The following NT5C3B variants were observed in gnomAD, a reference collection of about 807,000 sequenced individuals.
NT5C3B encodes the protein 5'-nucleotidase, cytosolic IIIB.
In NT5C3B, 28 loss-of-function variants were observed where a neutral mutation model predicts 32.5. The observed-to-expected ratio is 0.86, with a 90% CI of 0.64 to 1.18. The LOEUF is 1.18. NT5C3B is among the 50% of genes most tolerant of loss of function. The probability of loss-of-function intolerance (pLI) is 0.00; values close to 1 mark genes in which losing one functional copy is unlikely to be tolerated. For synonymous variants in NT5C3B, 138 were observed against 118.0 expected, an observed-to-expected ratio of 1.17 and a Z score of -1.10; for missense variants, 317 against 322.0, an observed-to-expected ratio of 0.98 and a Z score of 0.12.
chr17:41,827,086 C>T (rs2047979303), intron 8 of NT5C3B, among the ~76,000 whole-genome samples: 2 of 151,022 alleles, frequency 1.3e-5, no homozygotes, highest in Admixed American at 6.6e-5. Flanking sequence ...GCAGGCGGAT[C>T]ACGAGGTCAG....
intron 4 of NT5C3B, 36 bp downstream of exon 4, chr17:41,835,034 A>G: frequency 6.2e-7 from 1 of 1,603,384 alleles, no homozygotes; most frequent in South Asian, 1.1e-5. Flanking sequence ...GTAGCAAATG[A>G]CAACCATTTC....
chr17:41,828,837 G>A lies in NT5C3B; in HGVS notation c.520C>T (p.His174Tyr). 2 of 1,613,976 alleles carry A rather than the reference G, an allele frequency of 1.2e-6. No individual in the cohort carries two copies. The highest frequency in any genetic ancestry group is 2.2e-5 in the East Asian group (1 of 44,884). Residue 174 changes from histidine (H) to tyrosine (Y), a missense_variant, in exon 7 of 9, where the codon CAC becomes TAC. Coordinates refer to ENST00000435506, the MANE Select transcript of NT5C3B (RefSeq NM_052935.5). ...TTAGACACGATGTGGATGTTGGGGT[G>A]GAACACTTTCATCTGTCGGATAATT... Reference protein sequence around the residue: ...EEIIRQMKVFHPNIHIVSNYM... With the variant: ...EEIIRQMKVFYPNIHIVSNYM...
intron 5 of NT5C3B, 46 bp from the exon 6 acceptor site, chr17:41,830,936 T>A: frequency 8.3e-7 from 1 of 1,198,042 alleles, no homozygotes; most frequent in Non-Finnish European, 1.2e-6. Flanking sequence ...ATCACTGAAG[T>A]AAATAACTCA....
intron 5 of NT5C3B, 148 bp from the exon 6 acceptor site, chr17:41,831,038 G>T: frequency 1.6e-6 from 1 of 644,370 alleles, no homozygotes. Flanking sequence ...GAAGAGGGTG[G>T]CCGGGCACAG....
intron 6 of NT5C3B, among the ~76,000 whole-genome samples, chr17:41,830,221 C>A (rs1488796646): frequency 6.6e-6 from 1 of 152,212 alleles, no homozygotes; most frequent in Non-Finnish European, 1.5e-5. Context: ...GAAAAATGAG[C>A]TAGACTTGGC....
At chr17:41,830,553 G>A (rs1362892775) in intron 6 of NT5C3B, among the ~76,000 whole-genome samples, 1 of 152,066 alleles carries the variant, frequency 6.6e-6, no homozygotes, top group African/African-American at 2.4e-5. Flanking sequence ...GAGAAAGAAA[G>A]AAGAGCTAGA....
In NT5C3B at chr17:41,830,872, A is replaced by G; in HGVS notation, c.333T>C (p.Asn111=). Residue 111 remains asparagine (N), a synonymous_variant, in exon 6 of 9, where the codon AAT becomes AAC. Transcript: ENST00000435506. ...TCTGAATCTTCTGCTGACATAGGAG[A>G]TTGTGTGCTTTGGTCCACCTAGAAA... ...HMVEWWTKAH[N]LLCQQKIQKF... 6.2e-7 allele frequency: 1 copy of G among 1,608,410 alleles called. No homozygotes were observed. Among genetic ancestry groups the G allele is most frequent in the Non-Finnish European group, 8.5e-7 (1 of 1,177,372 alleles).
At position 41,825,092 on chromosome 17, in the gene NT5C3B, C is replaced by T. The variant is rs2047938610; in HGVS notation, c.*431G>A. 6.3e-6 allele frequency: 1 copy of T among 158,462 alleles called. No individual in the cohort carries two copies. The highest frequency in any genetic ancestry group is 1.4e-5 in the Non-Finnish European group (1 of 71,902). The allele number at this position is 158,462 out of a possible 1,614,324, so 9.8% of individuals were successfully genotyped here. On this transcript the variant is annotated 3_prime_UTR_variant, in exon 9 of 9. Transcript: ENST00000435506. The stretch of plus-strand genomic sequence containing the variant: ...TCTCAGGCCAATTTGTGGTGGTTCT[C>T]AAACTGTGTTCCTAGAAGCATCCCA...
chr17:41,836,185 C>A lies in NT5C3B; in HGVS notation c.9G>T (p.Glu3Asp). Residue 3 changes from glutamate to aspartate, a missense_variant, in exon 1 of 9, where the codon GAG becomes GAT. Physicochemically the swap from Glu to Asp is conservative, Grantham distance 45. Coordinates refer to ENST00000435506, the MANE Select transcript of NT5C3B (RefSeq NM_052935.5). ...CGGACGCTTCCTCCCTCCTCACCTC[C>A]TCTGCCATCCCGTTCGAGGCCTGGT... Reference protein sequence around the residue: MAEEVSTLMKATV... With the variant: MADEVSTLMKATV... The A allele has an allele frequency of 7.9e-7, 1 of 1,261,752 alleles. No homozygotes were observed. Among genetic ancestry groups the A allele is most frequent in the Non-Finnish European group, 9.9e-7 (1 of 1,006,266 alleles). 78.2% of individuals were successfully genotyped at this position (1,261,752 alleles called of 1,614,324 possible).
intron 4 of NT5C3B, among the ~76,000 whole-genome samples, chr17:41,833,269 T>G (rs1368297727): frequency 4.6e-5 from 7 of 152,132 alleles, no homozygotes; most frequent in African/African-American, 1.7e-4. Context: ...TTTAGGGAAT[T>G]CATGGAGAAG....
intron 4 of NT5C3B, among the ~76,000 whole-genome samples, chr17:41,834,498 C>G (rs538426852): frequency 2.0e-5 from 3 of 152,024 alleles, no homozygotes; most frequent in South Asian, 4.2e-4. Context: ...ATAAGCCCAG[C>G]ACTTTGGGGA....
intron 5 of NT5C3B, 99 bp from the exon 6 acceptor site, chr17:41,830,989 C>T (rs551574034): frequency 3.1e-5 from 24 of 785,000 alleles, no homozygotes; most frequent in East Asian, 1.2e-4. Context: ...ACAGCATTGC[C>T]GACAGAGGCC....
chr17:41,826,999 C>CAAAAAAA (rs34220910), intron 8 of NT5C3B, among the ~76,000 whole-genome samples: 1 of 118,822 alleles, frequency 8.4e-6, no homozygotes, highest in African/African-American at 3.1e-5. Context: ...GACTCTATCT[C>CAAAAAAA]AAAAAAAAAA....
chr17:41,831,215 AG>A (rs1427893199), intron 5 of NT5C3B, among the ~76,000 whole-genome samples: 5 of 150,302 alleles, frequency 3.3e-5, no homozygotes, highest in African/African-American at 1.2e-4. Context: ...GCTACTTGGG[AG>A]GCTGAGGCTG....
chr17:41,835,845 C>A lies in NT5C3B; in HGVS notation c.111+14G>T, dbSNP rs1555619852. 2 of 1,600,782 alleles carry A rather than the reference C, an allele frequency of 1.2e-6. No individual in the cohort carries two copies. The highest frequency in any genetic ancestry group is 1.3e-5 in the African/African-American group (1 of 74,764). ...GCCCCCAGCCCGGCCGGCCCCCGCA[C>A]GCCCCAGAGGTACCTGTAACCGGTC... On this transcript the variant is annotated intron_variant, in intron 2 of 8. Transcript: ENST00000435506.
chr17:41,836,117 G>T (rs1335027832), intron 1 of NT5C3B, 65 bp downstream of exon 1: 3 of 1,329,162 alleles, frequency 2.3e-6, no homozygotes, highest in Non-Finnish European at 1.9e-6. Context: ...CAGCTGGGGG[G>T]CTCGAAGCGC....
chr17:41,828,702 C>T lies in NT5C3B; in HGVS notation c.567+88G>A, dbSNP rs1555618563. On this transcript the variant is annotated intron_variant, in intron 7 of 8. Coordinates refer to ENST00000435506, the MANE Select transcript of NT5C3B (RefSeq NM_052935.5). Reference sequence around the variant, plus strand: ...TAGAGTGGCTTCCCTCCCCTTCTTCCCCAGGTTAGGGTTCATGCAGAGTTA... The same window carrying T: ...TAGAGTGGCTTCCCTCCCCTTCTTCTCCAGGTTAGGGTTCATGCAGAGTTA... 8.1e-6 allele frequency: 10 copies of T among 1,231,900 alleles called. No individual in the cohort carries two copies. The South Asian group carries it at 1.4e-4, about 18-fold the overall frequency. The allele number at this position is 1,231,900 out of a possible 1,614,324, so 76.3% of individuals were successfully genotyped here. A position where few individuals can be genotyped will look rare whatever the true frequency, so the allele number is the denominator to read the frequency against.
intron 4 of NT5C3B, among the ~76,000 whole-genome samples, chr17:41,833,543 C>A (rs1386963739): frequency 7.2e-5 from 11 of 152,110 alleles, no homozygotes; most frequent in African/African-American, 2.7e-4. Flanking sequence ...GTCTCGATCT[C>A]CTGACCTCAA....
chr17:41,835,825 C>T (rs781904299), intron 2 of NT5C3B, 34 bp downstream of exon 2: 4 of 1,570,566 alleles, frequency 2.5e-6, no homozygotes, highest in African/African-American at 1.4e-5. Context: ...CAGCCGCCCC[C>T]AGCCCGGCCG....
Sources: gnomAD v4.1 joint callset for allele counts (sites outside exome capture counted in the v4.1 genomes callset) on GRCh38, gnomAD v4.1.1 for gene constraint, MANE v1.5 for transcripts, NCBI Gene and HGNC (gene_info 2026-07-23, HGNC 2026-07-21) for gene names.